Variants in HLTF observed in about 807,000 individuals in gnomAD.
The protein encoded by HLTF is helicase like transcription factor, also known as DNA-dependent ATPase/E3 ubiquitin-protein ligase HLTF.
A neutral mutation model predicts 129.4 loss-of-function variants in HLTF; 127 were observed. The ratio of observed to expected loss-of-function variants is 0.98; its 90% CI spans 0.85 to 1.14. The LOEUF (loss-of-function observed/expected upper bound fraction) is 1.14. Ranked by LOEUF, HLTF falls within the 50% of genes most tolerant of loss-of-function variation. The probability of loss-of-function intolerance (pLI) is 0.00; values close to 1 mark genes in which losing one functional copy is unlikely to be tolerated. For synonymous variants in HLTF, 332 were observed against 388.8 expected, an observed-to-expected ratio of 0.85 and a Z score of 1.72; for missense variants, 1,139 against 1,187.1, an observed-to-expected ratio of 0.96 and a Z score of 0.60.
intron 19 of HLTF, 81 bp from the exon 20 acceptor site, chr3:149,041,749 G>A (rs1373432588): frequency 1.2e-5 from 11 of 955,834 alleles, no homozygotes; most frequent in South Asian, 4.8e-5. Context: ...GAAAAGTTTC[G>A]CTTGCCAGTA....
intron 7 of HLTF, among the ~76,000 whole-genome samples, chr3:149,070,390 T>C (rs1718747167): frequency 1.3e-5 from 2 of 152,240 alleles, no homozygotes; most frequent in Admixed American, 1.3e-4. Context: ...TGCCAGTTGT[T>C]GCAACAAAAA....
chr3:149,048,070 G>A lies in HLTF; in HGVS notation c.1850C>T (p.Thr617Ile). 6.2e-7 allele frequency: 1 copy of A among 1,612,870 alleles called. No homozygotes were observed. The highest frequency in any genetic ancestry group is 2.2e-5 in the East Asian group (1 of 44,792). Residue 617 changes from threonine (T) to isoleucine (I), a missense_variant, in exon 17 of 25, where the codon ACA becomes ATA. Thr to Ile is a moderately conservative substitution (Grantham distance 89). Coordinates refer to ENST00000310053, the MANE Select transcript of HLTF (RefSeq NM_003071.4). Reference protein sequence around the residue: ...PFIDREWWHRTIQRPVTMGDE... With the variant: ...PFIDREWWHRIIQRPVTMGDE... ...TCCCATTGTGACAGGACGCTGTATT[G>A]TTCTATGCCACCATTCTCTATCAAT...
At chr3:149,048,451 T>G (rs763659301) in intron 16 of HLTF, among the ~76,000 whole-genome samples, 1 of 152,220 alleles carries the variant, frequency 6.6e-6, no homozygotes, top group South Asian at 2.1e-4. Context: ...TATTTAGTTT[T>G]TAAAGCAGCA....
chr3:149,048,177 GA>G lies in HLTF; in HGVS notation c.1757-15del. 6.3e-7 allele frequency: 1 copy of G among 1,591,264 alleles called. No homozygotes were observed. On this transcript the variant is annotated splice_polypyrimidine_tract_variant and intron_variant, in intron 16 of 24. Coordinates refer to ENST00000310053, the MANE Select transcript of HLTF (RefSeq NM_003071.4). ...GGATTGGAGTACCTAGAAATAACAG[GA>G]AACTGTTATAACTCTTTAACCAGAG...
intron 23 of HLTF, among the ~76,000 whole-genome samples, chr3:149,035,656 CAAAAAAAAA>C (rs59996160): frequency 4.1e-5 from 3 of 73,400 alleles, no homozygotes; most frequent in South Asian, 5.7e-4. Flanking sequence ...GACTCCGTCT[CAAAAAAAAA>C]AAAAAAAAAA....
At chr3:149,047,428 G>T (rs138517401) in intron 17 of HLTF, among the ~76,000 whole-genome samples, 138 of 152,252 alleles carry the variant, frequency 9.1e-4, no homozygotes, top group African/African-American at 3.1e-3. Flanking sequence ...GATAACCTGA[G>T]GTCAGAAGTT....
chr3:149,058,391 T>C (rs534015805), intron 13 of HLTF, among the ~76,000 whole-genome samples: 6 of 152,294 alleles, frequency 3.9e-5, no homozygotes, highest in Non-Finnish European at 7.4e-5. Context: ...TCCCCAATAA[T>C]TCTGAATCAG....
At chr3:149,042,356 G>T in intron 18 of HLTF, 66 bp from the exon 19 acceptor site, 1 of 1,367,790 alleles carries the variant, frequency 7.3e-7, no homozygotes, top group Non-Finnish European at 1.0e-6. Context: ...TTCTAAAACA[G>T]CAGAGTAAAA....
At chr3:149,038,394 T>G (rs965900208) in intron 23 of HLTF, among the ~76,000 whole-genome samples, 8 of 152,196 alleles carry the variant, frequency 5.3e-5, no homozygotes, top group African/African-American at 1.9e-4. Context: ...TACTTAAATA[T>G]TTACATGGAC....
chr3:149,040,380 G>A (rs1716025182), intron 20 of HLTF: 1 of 412,032 alleles, frequency 2.4e-6, no homozygotes, highest in East Asian at 5.0e-5. Context: ...TATGTGATCT[G>A]GACTAGCTAG....
intron 19 of HLTF, 193 bp downstream of exon 19, chr3:149,041,973 A>G (rs1716168148): frequency 1.7e-6 from 1 of 600,862 alleles, no homozygotes; most frequent in South Asian, 2.2e-5. Context: ...GAATTCCTGG[A>G]AAGACCTCAT....
intron 17 of HLTF, 75 bp from the exon 18 acceptor site, chr3:149,046,334 C>T (rs969276501): frequency 6.1e-6 from 5 of 825,916 alleles, no homozygotes; most frequent in African/African-American, 1.8e-5. Flanking sequence ...CGAAACAGAA[C>T]ATTTTAATTT....
chr3:149,042,234 AG>A lies in HLTF; in HGVS notation c.2128del (p.Arg711AspfsTer30). On this transcript the variant is annotated frameshift_variant, in exon 19 of 25. Coordinates refer to ENST00000310053, the MANE Select transcript of HLTF (RefSeq NM_003071.4). LOFTEE classifies it high-confidence loss of function. The part of the protein sequence containing the change: ...AHYADVLGLL[L>X]RLRQICCHTY... ...ATGGCAACAAATTTGCCGCAGTCTA[AG>A]CAAAAGACCCAGGACATCTGCATAA... 2 of 1,613,166 alleles carry A rather than the reference AG, an allele frequency of 1.2e-6. No individual in the cohort carries two copies. The highest frequency in any genetic ancestry group is 1.7e-6 in the Non-Finnish European group (2 of 1,179,212).
At chr3:149,083,928 G>GA (rs71617498) in intron 2 of HLTF, among the ~76,000 whole-genome samples, 43,169 of 131,420 alleles carry the variant, frequency 0.33, 6,238 homozygotes, top group East Asian at 0.35. Context: ...CAAAAAAAAA[G>GA]AAAAAAAAAA....
At chr3:149,074,864 A>T in intron 3 of HLTF, among the ~76,000 whole-genome samples, 1 of 152,218 alleles carries the variant, frequency 6.6e-6, no homozygotes, top group Middle Eastern at 3.2e-3. Flanking sequence ...GAATTAGAAT[A>T]TCAAGATCCT....
In HLTF at chr3:149,048,861, A is replaced by T. The variant is rs756385930; in HGVS notation, c.1756+2T>A. Reference sequence around the variant, plus strand: ...TTTTAGTAAGTTTAATGCTATGATTACCTGTCAAAACCCATCTTCTTTCTG... The same window carrying T: ...TTTTAGTAAGTTTAATGCTATGATTTCCTGTCAAAACCCATCTTCTTTCTG... On this transcript the variant is annotated splice_donor_variant, in intron 16 of 24. Coordinates refer to ENST00000310053, the MANE Select transcript of HLTF (RefSeq NM_003071.4). LOFTEE classifies it high-confidence loss of function. 8.1e-6 allele frequency: 13 copies of T among 1,610,826 alleles called. No homozygotes were observed. Among genetic ancestry groups the T allele is most frequent in the Non-Finnish European group, 1.1e-5 (13 of 1,177,274 alleles).
chr3:149,040,821 T>C (rs1165694510), intron 20 of HLTF, among the ~76,000 whole-genome samples: 1 of 152,130 alleles, frequency 6.6e-6, no homozygotes, highest in African/African-American at 2.4e-5. Flanking sequence ...CAGGAATATG[T>C]TTACCTCATA....
At chr3:149,078,132 C>CA (rs908709305) in intron 2 of HLTF, among the ~76,000 whole-genome samples, 8 of 150,412 alleles carry the variant, frequency 5.3e-5, no homozygotes, top group South Asian at 2.1e-4. Flanking sequence ...ACAAGACATG[C>CA]AAAAAAAATA....
At chr3:149,061,074 C>T (rs1352225216) in intron 10 of HLTF, among the ~76,000 whole-genome samples, 10 of 152,024 alleles carry the variant, frequency 6.6e-5, no homozygotes, top group Non-Finnish European at 2.9e-5. Flanking sequence ...GGAGTACCAC[C>T]GTTATTGTTT....
Sources: allele counts gnomAD v4.1 joint callset (sites outside exome capture counted in the v4.1 genomes callset), GRCh38; gene constraint gnomAD v4.1.1; transcripts MANE v1.5; gene names NCBI Gene and HGNC (gene_info 2026-07-23, HGNC 2026-07-21).